The following HIP1 variants were observed in gnomAD, a reference collection of about 807,000 sequenced individuals.
The protein encoded by HIP1 is huntingtin interacting protein 1.
In HIP1, 65 loss-of-function variants were observed where a neutral mutation model predicts 147.6. The ratio of observed to expected loss-of-function variants is 0.44; its 90% CI spans 0.36 to 0.54. The LOEUF is 0.54. HIP1 is among the 20% of genes least tolerant of loss of function. The pLI is 0.00. For missense variants in HIP1, 1,061 were observed against 1,299.6 expected, an observed-to-expected ratio of 0.82 and a Z score of 2.82; for synonymous variants, 479 against 504.0, an observed-to-expected ratio of 0.95 and a Z score of 0.67.
At chr7:75,553,667 G>A (rs1406158560) in intron 21 of HIP1, 78 bp from the exon 22 acceptor site, 18 of 1,349,906 alleles carry the variant, frequency 1.3e-5, no homozygotes, top group Admixed American at 5.9e-5. Context: ...GTGCAGTGGC[G>A]CCATCTCGGC....
rs1229234938 is a variant in HIP1, at chr7:75,664,139, CA to C, written c.121-64893del. On this transcript the variant is annotated intron_variant, in intron 1 of 30. Transcript: ENST00000336926. ...GCATATATGCACACACATGTGTGTACATACATACATGTATGTGTGTATATTT... is the reference window on the plus strand; with the variant it reads ...GCATATATGCACACACATGTGTGTACTACATACATGTATGTGTGTATATTT... 2.3e-4 allele frequency among the ~76,000 whole-genome samples: 6 copies of C among 26,048 alleles called. 3 individuals carry two copies. Among genetic ancestry groups the C allele is most frequent in the Non-Finnish European group, 4.5e-4 (6 of 13,194 alleles). The allele number at this position is 26,048 out of a possible 152,430, so 17.1% of individuals were successfully genotyped here. A position where few individuals can be genotyped will look rare whatever the true frequency, so the allele number is the denominator to read the frequency against.
intron 1 of HIP1, among the ~76,000 whole-genome samples, chr7:75,640,324 C>T (rs1243057164): frequency 7.2e-5 from 11 of 152,182 alleles, no homozygotes; most frequent in African/African-American, 2.7e-4. Context: ...GTCACACACC[C>T]GGCAGGGACT....
chr7:75,575,263 C>T (rs35491628), intron 7 of HIP1, among the ~76,000 whole-genome samples: 3,776 of 152,208 alleles, frequency 0.025, 70 homozygotes, highest in Non-Finnish European at 0.039. Flanking sequence ...TAGTTCGAGA[C>T]CAGCCTGGCC....
At chr7:75,582,422 C>T (rs1219170513) in intron 5 of HIP1, among the ~76,000 whole-genome samples, 1 of 152,154 alleles carries the variant, frequency 6.6e-6, no homozygotes, top group Non-Finnish European at 1.5e-5. Flanking sequence ...CAGCATGATC[C>T]TGTCATCTGT....
At chr7:75,712,470 A>C (rs2117354574) in intron 1 of HIP1, among the ~76,000 whole-genome samples, 1 of 152,240 alleles carries the variant, frequency 6.6e-6, no homozygotes, top group African/African-American at 2.4e-5. Context: ...AAAAATCACA[A>C]AGGGGTGTGT....
chr7:75,608,494 T>A (rs1554504275), intron 1 of HIP1, among the ~76,000 whole-genome samples: 1 of 152,152 alleles, frequency 6.6e-6, no homozygotes, highest in Non-Finnish European at 1.5e-5. Flanking sequence ...TCAGGCTTTA[T>A]ACATTATGAA....
At chr7:75,595,235 T>TTCCTTC (rs1563230194) in intron 2 of HIP1, among the ~76,000 whole-genome samples, 83 of 109,410 alleles carry the variant, frequency 7.6e-4, no homozygotes, top group East Asian at 2.7e-3. Flanking sequence ...TTTCTTTCTT[T>TTCCTTC]CTTTCTTTCT....
At chr7:75,723,124 T>C (rs1554521883) in intron 1 of HIP1, among the ~76,000 whole-genome samples, 2 of 152,100 alleles carry the variant, frequency 1.3e-5, no homozygotes, top group African/African-American at 2.4e-5. Context: ...CAGCCATTTA[T>C]TGGGAGGCCG....
At chr7:75,622,363 T>C (rs1252141878) in intron 1 of HIP1, among the ~76,000 whole-genome samples, 1 of 151,580 alleles carries the variant, frequency 6.6e-6, no homozygotes, top group African/African-American at 2.4e-5. Context: ...TGAGTGCAGA[T>C]GAGATGTCTG....
At chr7:75,694,073 C>A (rs2117305815) in intron 1 of HIP1, among the ~76,000 whole-genome samples, 1 of 152,020 alleles carries the variant, frequency 6.6e-6, no homozygotes, top group East Asian at 1.9e-4. Context: ...GCACGTGCCA[C>A]CACACCCGGC....
intron 23 of HIP1, 34 bp from the exon 24 acceptor site, chr7:75,547,847 T>C (rs1554491322): frequency 1.9e-6 from 3 of 1,586,466 alleles, no homozygotes; most frequent in East Asian, 4.5e-5. Flanking sequence ...TAAATGTGCC[T>C]TGAATATTAA....
intron 1 of HIP1, among the ~76,000 whole-genome samples, chr7:75,613,867 G>T (rs1326529812): frequency 1.3e-5 from 2 of 151,902 alleles, no homozygotes; most frequent in Non-Finnish European, 1.5e-5. Flanking sequence ...TGAGACGACA[G>T]GTGCATGCCA....
chr7:75,696,681 G>A (rs1180145314), intron 1 of HIP1, among the ~76,000 whole-genome samples: 1 of 149,582 alleles, frequency 6.7e-6, no homozygotes, highest in African/African-American at 2.5e-5. Flanking sequence ...GCTCACTGCA[G>A]CCTCCACTTC....
At chr7:75,650,142 G>T (rs1299276797) in intron 1 of HIP1, among the ~76,000 whole-genome samples, 1 of 152,118 alleles carries the variant, frequency 6.6e-6, no homozygotes, top group East Asian at 1.9e-4. Flanking sequence ...AAGATCTGCC[G>T]AATTTCTAAA....
intron 22 of HIP1, among the ~76,000 whole-genome samples, chr7:75,551,419 T>C (rs1173350074): frequency 1.3e-5 from 2 of 152,002 alleles, no homozygotes; most frequent in African/African-American, 4.8e-5. Context: ...TTCACTATAT[T>C]GGCCAGGCTG....
intron 1 of HIP1, among the ~76,000 whole-genome samples, chr7:75,663,975 CATATATGTGTAT>C (rs1799408185): frequency 6.8e-5 from 1 of 14,772 alleles, no homozygotes; most frequent in Admixed American, 1.0e-3. Flanking sequence ...TATATATACA[CATATATGTGTAT>C]ATATATACAC....
intron 1 of HIP1, among the ~76,000 whole-genome samples, chr7:75,687,781 G>C (rs1800315967): frequency 6.6e-6 from 1 of 152,096 alleles, no homozygotes; most frequent in African/African-American, 2.4e-5. Flanking sequence ...CCCACAAGCT[G>C]GGCCCAACCT....
intron 1 of HIP1, among the ~76,000 whole-genome samples, chr7:75,728,169 T>C (rs1422439156): frequency 1.3e-5 from 2 of 152,222 alleles, no homozygotes; most frequent in African/African-American, 2.4e-5. Flanking sequence ...ACACAAGCCA[T>C]AGGCCACACT....
intron 1 of HIP1, among the ~76,000 whole-genome samples, chr7:75,678,497 C>T (rs1455363407): frequency 6.6e-6 from 1 of 152,088 alleles, no homozygotes; most frequent in Admixed American, 6.6e-5. Context: ...GCGCCCGCCA[C>T]CACACCCGGC....
Sources: gnomAD v4.1 joint callset for allele counts (sites outside exome capture counted in the v4.1 genomes callset) on GRCh38, gnomAD v4.1.1 for gene constraint, MANE v1.5 for transcripts, NCBI Gene and HGNC (gene_info 2026-07-23, HGNC 2026-07-21) for gene names.